The following RTN4 variants were observed in gnomAD, a reference collection of about 807,000 sequenced individuals.
RTN4 encodes the protein reticulon-4.
Under a neutral mutation model 90.4 loss-of-function variants are expected in RTN4, and 32 were observed. The observed-to-expected ratio is 0.35, with a 90% confidence interval of 0.27 to 0.48. RTN4 has a LOEUF of 0.48. Ranked by LOEUF, RTN4 falls within the 20% of genes least tolerant of loss-of-function variation. The pLI, the probability that RTN4 is intolerant of heterozygous loss-of-function variation, is 0.99. For missense variants in RTN4, 1,706 were observed against 1,430.2 expected (o/e 1.19, Z -3.11); for synonymous variants, 629 against 552.5 (o/e 1.14, Z -1.94).
chr2:55,079,305 C>T (rs1037009791), intron 2 of RTN4, among the ~76,000 whole-genome samples: 6 of 152,128 alleles, frequency 3.9e-5, no homozygotes, highest in African/African-American at 7.2e-5. Flanking sequence ...GTTAACTCAC[C>T]GTGAAGGAAC....
chr2:55,124,919 G>C, the RTN4 span, among the ~76,000 whole-genome samples: 19 of 152,220 alleles, frequency 1.2e-4, no homozygotes, highest in Admixed American at 2.0e-4. Flanking sequence ...ACATATCTAT[G>C]ATCATCTGAT....
At chr2:55,137,335 C>T in the RTN4 span, among the ~76,000 whole-genome samples, 1 of 152,164 alleles carries the variant, frequency 6.6e-6, no homozygotes, top group Admixed American at 6.5e-5. Context: ...GGGGGCCAGC[C>T]ATGCCGTGCT....
chr2:55,081,230 T>C (rs1668708789), intron 1 of RTN4, among the ~76,000 whole-genome samples: 1 of 152,068 alleles, frequency 6.6e-6, no homozygotes, highest in African/African-American at 2.4e-5. Context: ...CTCGCCACCA[T>C]GCCCTGCTAA....
At chr2:55,135,642 T>G in the RTN4 span, among the ~76,000 whole-genome samples, 39 of 152,342 alleles carry the variant, frequency 2.6e-4, no homozygotes, top group Non-Finnish European at 2.1e-4. Flanking sequence ...TTTTGACATG[T>G]GTATATACAA....
At chr2:55,081,100 G>T (rs1327431596) in intron 1 of RTN4, among the ~76,000 whole-genome samples, 1 of 150,226 alleles carries the variant, frequency 6.7e-6, no homozygotes, top group East Asian at 2.0e-4. Context: ...TTTGAAACAG[G>T]AGCTCACTCT....
rs143123978 is a variant in RTN4 at position 55,027,191 on chromosome 2, G to A, written c.908C>T (p.Ser303Leu). The change falls in exon 3 of 9, where the codon TCG (serine) becomes TTG (leucine). Residue 303 changes from serine to leucine, a missense_variant. By Grantham distance (145) the Ser-to-Leu change is moderately radical. Coordinates refer to ENST00000337526, the MANE Select transcript of RTN4 (RefSeq NM_020532.5). Reference protein sequence around the residue: ...SELEYSEMGSSFSVSPKAESA... With the variant: ...SELEYSEMGSLFSVSPKAESA... ...TTCTGCTTTTGGAGAGACACTGAAC[G>A]ATGATCCCATTTCTGAGTATTCTAA... is the stretch of plus-strand genomic sequence containing the variant. 1.5e-3 allele frequency: 2,459 copies of A among 1,613,574 alleles called. 3 individuals carry two copies. Among genetic ancestry groups the A allele is most frequent in the Non-Finnish European group, 1.7e-3 (2,051 of 1,179,716 alleles).
chr2:55,033,784 T>C (rs1682494742), intron 1 of RTN4, among the ~76,000 whole-genome samples: 1 of 152,230 alleles, frequency 6.6e-6, no homozygotes, highest in African/African-American at 2.4e-5. Flanking sequence ...ATTTTGGTAG[T>C]ACATATGATA....
chr2:55,074,555 G>A (rs2972070), intron 2 of RTN4, among the ~76,000 whole-genome samples: 48,635 of 150,048 alleles, frequency 0.32, 9,033 homozygotes, highest in East Asian at 0.59. Context: ...GGAGAAAGAG[G>A]GAATCCTCCC....
At chr2:55,002,218 C>T (rs1679900365) in intron 3 of RTN4, among the ~76,000 whole-genome samples, 1 of 151,960 alleles carries the variant, frequency 6.6e-6, no homozygotes, top group African/African-American at 2.4e-5. Context: ...ACCACCACAC[C>T]AAGCTAATTT....
At chr2:54,979,565 A>T (rs939371376) in intron 5 of RTN4, among the ~76,000 whole-genome samples, 1 of 152,218 alleles carries the variant, frequency 6.6e-6, no homozygotes, top group African/African-American at 2.4e-5. Context: ...GGAAACAAAC[A>T]CATGGAATCT....
At chr2:55,053,272 AG>A (rs1250261316), upstream of RTN4, among the ~76,000 whole-genome samples, 1 of 152,256 alleles carries the variant, frequency 6.6e-6, no homozygotes, top group Non-Finnish European at 1.5e-5. Context: ...TGTTGTAACT[AG>A]ATGTAAATAT....
chr2:55,030,970 T>C (rs1246643934), intron 1 of RTN4, among the ~76,000 whole-genome samples: 1 of 152,216 alleles, frequency 6.6e-6, no homozygotes, highest in Non-Finnish European at 1.5e-5. Flanking sequence ...ACAGGTACTG[T>C]GCTGAGCCGG....
intron 6 of RTN4, 26 bp from the exon 7 acceptor site, chr2:54,973,893 C>T: frequency 6.3e-7 from 1 of 1,598,008 alleles, no homozygotes; most frequent in Non-Finnish European, 8.6e-7. Context: ...TACAACTTTT[C>T]AAAAAGAACG....
At chr2:55,115,080 T>C (rs753871091), upstream of RTN4, among the ~76,000 whole-genome samples, 27 of 146,898 alleles carry the variant, frequency 1.8e-4, no homozygotes, top group Non-Finnish European at 3.1e-4. Flanking sequence ...ATTCTTGGTA[T>C]ATGGGTTAAA....
chr2:54,973,015 G>A lies in RTN4; in HGVS notation c.*141C>T. 1 of 640,624 alleles carries A rather than the reference G, an allele frequency of 1.6e-6. No homozygotes were observed. The highest frequency in any genetic ancestry group is 2.7e-5 in the Admixed American group (1 of 36,780). 39.7% of individuals were successfully genotyped at this position (640,624 alleles called of 1,614,324 possible). ...ACAGGTAATTTTTCCTCACAACAGTGCATGGCTAAAAATAAAGATCTAACA... is the reference window on the plus strand; with the variant it reads ...ACAGGTAATTTTTCCTCACAACAGTACATGGCTAAAAATAAAGATCTAACA... On this transcript the variant is annotated 3_prime_UTR_variant, in exon 9 of 9. Transcript: ENST00000337526.
chr2:55,019,004 G>C (rs1227634592), intron 3 of RTN4, among the ~76,000 whole-genome samples: 1 of 152,126 alleles, frequency 6.6e-6, no homozygotes. Flanking sequence ...TGTTAGGCTA[G>C]AAAGTAAGAA....
rs1013329073 is a variant in RTN4 at position 55,056,295 on chromosome 2, G to A, written c.-63+24194C>T. Among the ~76,000 whole-genome samples the A allele has an allele frequency of 1.1e-4, 17 of 152,118 alleles. 1 individual carries two copies. Among genetic ancestry groups the A allele is most frequent in the African/African-American group, 4.1e-4 (17 of 41,454 alleles). On this transcript the variant is annotated intron_variant, in intron 2 of 3. Coordinates refer to the RTN4 transcript ENST00000427710. Reference sequence around the variant, plus strand: ...GATAGTCACTTAGCAGCCATCCCTGGGATCAGATCGGCTGTCATGGTATCA... The same window carrying A: ...GATAGTCACTTAGCAGCCATCCCTGAGATCAGATCGGCTGTCATGGTATCA...
intron 2 of RTN4, among the ~76,000 whole-genome samples, chr2:55,066,594 T>C (rs2972073): frequency 0.67 from 101,666 of 151,806 alleles, 36,754 homozygotes; most frequent in East Asian, 0.92. Context: ...CTCAGGAGGC[T>C]GAAGCAGGAG....
chr2:55,084,880 G>A (rs1036405987), intron 1 of RTN4, among the ~76,000 whole-genome samples: 4 of 152,104 alleles, frequency 2.6e-5, no homozygotes, highest in African/African-American at 9.7e-5. Context: ...AACCTCCTGG[G>A]CTCAAGTGAT....
Sources: allele counts gnomAD v4.1 joint callset (sites outside exome capture counted in the v4.1 genomes callset), GRCh38; gene constraint gnomAD v4.1.1; transcripts MANE v1.5; gene names NCBI Gene and HGNC (gene_info 2026-07-23, HGNC 2026-07-21).